Variants in TBC1D32 observed in about 807,000 individuals in gnomAD.
The protein encoded by TBC1D32 is protein broad-minded.
A neutral mutation model predicts 170.3 loss-of-function variants in TBC1D32; 151 were observed. The observed-to-expected ratio is 0.89, with a 90% CI of 0.78 to 1.01. The LOEUF (loss-of-function observed/expected upper bound fraction) is 1.01, where lower values mean the gene tolerates loss of function less well. TBC1D32 is among the 50% of genes least tolerant of loss of function. The pLI, the probability that TBC1D32 is intolerant of heterozygous loss-of-function variation, is 0.00. For synonymous variants in TBC1D32, 498 were observed against 488.0 expected (o/e 1.02, Z -0.27); for missense variants, 1,464 against 1,457.1 (o/e 1.00, Z -0.08).
chr6:121,301,148 T>C (rs1446468476), intron 9 of TBC1D32, among the ~76,000 whole-genome samples: 1 of 152,194 alleles, frequency 6.6e-6, no homozygotes, highest in African/African-American at 2.4e-5. Flanking sequence ...CTCAAGGATC[T>C]AGAACTAGAA....
At chr6:121,247,802 G>C (rs957046828) in intron 17 of TBC1D32, among the ~76,000 whole-genome samples, 6 of 150,576 alleles carry the variant, frequency 4.0e-5, no homozygotes, top group Admixed American at 1.3e-4. Flanking sequence ...TAACACTGGA[G>C]CTCCCACATT....
intron 17 of TBC1D32, among the ~76,000 whole-genome samples, chr6:121,252,740 TA>T (rs566434658): frequency 6.6e-6 from 1 of 151,236 alleles, no homozygotes; most frequent in Non-Finnish European, 1.5e-5. Context: ...GTATAATAAA[TA>T]AAAAAATAAA....
intron 26 of TBC1D32, among the ~76,000 whole-genome samples, chr6:121,123,379 A>G (rs1001343420): frequency 6.6e-6 from 1 of 152,038 alleles, no homozygotes; most frequent in African/African-American, 2.4e-5. Context: ...TCTCACATAA[A>G]GTCTAGCAAT....
intron 22 of TBC1D32, among the ~76,000 whole-genome samples, chr6:121,174,505 C>T (rs1453378667): frequency 6.6e-6 from 1 of 152,004 alleles, no homozygotes; most frequent in African/African-American, 2.4e-5. Context: ...GCAAAACGAC[C>T]AAGTTACTAC....
rs536477881 is a variant in TBC1D32, at chr6:121,292,236, T to C, written c.1232-43A>G. 4 of 1,533,128 alleles carry C rather than the reference T, an allele frequency of 2.6e-6. No homozygotes were observed. The South Asian group carries it at 3.7e-5, about 14-fold the overall frequency. 95.0% of individuals were successfully genotyped at this position (1,533,128 alleles called of 1,614,324 possible). A position where few individuals can be genotyped will look rare whatever the true frequency, so the allele number is the denominator to read the frequency against. ...CACGAATATTTATTTAGTATCATTA[T>C]ATTTTACAGTACCTGTCTTCATTCC... On this transcript the variant is annotated intron_variant, in intron 11 of 31. Transcript: ENST00000398212.
At chr6:121,199,411 A>G (rs1444399286) in intron 22 of TBC1D32, among the ~76,000 whole-genome samples, 1 of 151,316 alleles carries the variant, frequency 6.6e-6, no homozygotes, top group Non-Finnish European at 1.5e-5. Flanking sequence ...CTGTAGCTAA[A>G]GATCAAAATA....
intron 10 of TBC1D32, among the ~76,000 whole-genome samples, chr6:121,296,339 C>A (rs75369262): frequency 0.019 from 2,864 of 152,166 alleles, 32 homozygotes; most frequent in South Asian, 0.041. Flanking sequence ...ATCATCAAAC[C>A]TGGGGGGTTG....
intron 20 of TBC1D32, among the ~76,000 whole-genome samples, chr6:121,223,574 CA>C (rs1440794688): frequency 6.6e-6 from 1 of 152,104 alleles, no homozygotes; most frequent in African/African-American, 2.4e-5. Flanking sequence ...CCATTACATA[CA>C]TACATGAAAT....
intron 22 of TBC1D32, among the ~76,000 whole-genome samples, chr6:121,187,916 G>A (rs1789414679): frequency 6.6e-6 from 1 of 152,094 alleles, no homozygotes; most frequent in South Asian, 2.1e-4. Flanking sequence ...TGAAAGCCTT[G>A]TAGTTATAAA....
At chr6:121,209,314 T>A (rs188223658) in intron 21 of TBC1D32, among the ~76,000 whole-genome samples, 2 of 152,230 alleles carry the variant, frequency 1.3e-5, no homozygotes, top group East Asian at 3.9e-4. Context: ...TATTGATTAG[T>A]GTGTGTGAGA....
intron 9 of TBC1D32, among the ~76,000 whole-genome samples, chr6:121,300,838 T>A (rs1221496789): frequency 7.2e-5 from 11 of 151,934 alleles, no homozygotes; most frequent in Admixed American, 6.6e-4. Flanking sequence ...TAAACAGATT[T>A]AGAAGAAAAA....
intron 3 of TBC1D32, among the ~76,000 whole-genome samples, chr6:121,315,049 T>C (rs76259639): frequency 6.6e-6 from 1 of 152,326 alleles, no homozygotes; most frequent in African/African-American, 2.4e-5. Context: ...GTTAAGAAAT[T>C]TGTCCAAGGC....
At chr6:121,230,668 C>T (rs973897876) in intron 20 of TBC1D32, among the ~76,000 whole-genome samples, 1 of 151,346 alleles carries the variant, frequency 6.6e-6, no homozygotes, top group Non-Finnish European at 1.5e-5. Flanking sequence ...CATATATACA[C>T]ACACGTGTAT....
chr6:121,275,473 C>A, intron 15 of TBC1D32, among the ~76,000 whole-genome samples: 1 of 152,080 alleles, frequency 6.6e-6, no homozygotes, highest in East Asian at 1.9e-4. Context: ...AACCCTATTG[C>A]CACAGGAGCA....
chr6:121,276,115 G>A (rs185461896), intron 15 of TBC1D32, among the ~76,000 whole-genome samples: 2 of 123,932 alleles, frequency 1.6e-5, no homozygotes, highest in African/African-American at 3.5e-5. Flanking sequence ...GTGAGACCTT[G>A]TCTCAAAAAA....
At chr6:121,333,415 C>T (rs548787705) in intron 1 of TBC1D32, among the ~76,000 whole-genome samples, 1 of 152,176 alleles carries the variant, frequency 6.6e-6, no homozygotes, top group South Asian at 2.1e-4. Context: ...CTCTGACCCC[C>T]CTTCTCTGTC....
At chr6:121,115,900 A>G (rs1779636366) in intron 26 of TBC1D32, among the ~76,000 whole-genome samples, 2 of 152,222 alleles carry the variant, frequency 1.3e-5, no homozygotes, top group African/African-American at 4.8e-5. Flanking sequence ...TAGAAATAGC[A>G]TAGTACAGAG....
chr6:121,085,322 T>TATATATACACATAC (rs1406708308), intron 31 of TBC1D32, among the ~76,000 whole-genome samples: 1 of 100,760 alleles, frequency 9.9e-6, no homozygotes, highest in African/African-American at 5.1e-5. Flanking sequence ...TATATACACA[T>TATATATACACATAC]ATATATATAC....
At chr6:121,225,536 T>C (rs1008802582) in intron 20 of TBC1D32, among the ~76,000 whole-genome samples, 1 of 152,060 alleles carries the variant, frequency 6.6e-6, no homozygotes, top group Non-Finnish European at 1.5e-5. Flanking sequence ...TTTTGTATTA[T>C]TTATACATGA....
Sources: gnomAD v4.1 joint callset for allele counts (sites outside exome capture counted in the v4.1 genomes callset) on GRCh38, gnomAD v4.1.1 for gene constraint, MANE v1.5 for transcripts, NCBI Gene and HGNC (gene_info 2026-07-23, HGNC 2026-07-21) for gene names.